Variants in LSAMP observed in about 807,000 individuals in gnomAD.
The protein encoded by LSAMP is limbic system associated membrane protein.
Under a neutral mutation model 38.6 loss-of-function variants are expected in LSAMP, and 7 were observed. The ratio of observed to expected loss-of-function variants is 0.18; its 90% CI spans 0.10 to 0.34. The LOEUF is 0.34. Ranked by LOEUF, LSAMP falls within the 10% of genes least tolerant of loss-of-function variation. The probability of loss-of-function intolerance (pLI) is 1.00; values close to 1 mark genes in which losing one functional copy is unlikely to be tolerated. For missense variants in LSAMP, 313 were observed against 420.0 expected (o/e 0.75, Z 2.23); for synonymous variants, 154 against 166.8 (o/e 0.92, Z 0.59).
chr3:116,058,766 A>T (rs982260542), intron 2 of LSAMP, among the ~76,000 whole-genome samples: 4 of 152,198 alleles, frequency 2.6e-5, no homozygotes, highest in African/African-American at 9.7e-5. Flanking sequence ...TAGGAATAGA[A>T]AAAGCACAAA....
intron 3 of LSAMP, among the ~76,000 whole-genome samples, chr3:115,877,856 T>G (rs1213789325): frequency 6.6e-6 from 1 of 152,000 alleles, no homozygotes; most frequent in African/African-American, 2.4e-5. Context: ...GTTGCAAAAA[T>G]TTTTTAAAAT....
rs115054671 is a variant in LSAMP, at chr3:116,314,617, T to C, written c.155+130260A>G. Among the ~76,000 whole-genome samples, 782 of 152,264 alleles carry C rather than the reference T, an allele frequency of 5.1e-3. 8 individuals are homozygous for C. The highest frequency in any genetic ancestry group is 0.018 in the African/African-American group (745 of 41,556). ...GAAACTGGCTATGTCAGAATATAGT[T>C]ATGGGTTTAACTGATAAAGACAGAT... On this transcript the variant is annotated intron_variant, in intron 1 of 6. Transcript: ENST00000490035.
chr3:116,272,014 G>C (rs2107671215), intron 1 of LSAMP, among the ~76,000 whole-genome samples: 1 of 152,128 alleles, frequency 6.6e-6, no homozygotes, highest in South Asian at 2.1e-4. Flanking sequence ...TTTTAGGAAA[G>C]CAAGTAGAAT....
chr3:116,243,810 CATTTTTCTT>C (rs1436291454), intron 1 of LSAMP, among the ~76,000 whole-genome samples: 6 of 152,066 alleles, frequency 3.9e-5, no homozygotes, highest in Non-Finnish European at 8.8e-5. Context: ...ACATTTGTGA[CATTTTTCTT>C]TTTTTAACTT....
intron 1 of LSAMP, among the ~76,000 whole-genome samples, chr3:116,399,328 A>C (rs974219291): frequency 6.6e-6 from 1 of 152,222 alleles, no homozygotes; most frequent in Non-Finnish European, 1.5e-5. Context: ...GGCAACACAG[A>C]GCATTGAATA....
intron 3 of LSAMP, among the ~76,000 whole-genome samples, chr3:115,980,980 A>AGCTTAGG (rs1195162804): frequency 6.6e-6 from 1 of 152,114 alleles, no homozygotes; most frequent in Non-Finnish European, 1.5e-5. Context: ...TGATAACCAG[A>AGCTTAGG]GCTTAGGGGA....
rs1259842389 is a variant in LSAMP, at chr3:116,314,810, TAAGAATGAAACATTTTTCTCTTACAAA to T, written c.155+130040_155+130066del. 7.2e-5 allele frequency among the ~76,000 whole-genome samples: 11 copies of T among 152,300 alleles called. No homozygotes were observed. The East Asian group carries it at 2.1e-3, about 29-fold the overall frequency. ...ATCCAAAAAGACCATATATAGGTTC[TAAGAATGAAACATTTTTCTCTTACAAA>T]AAGAATAAAGACCCCCACTATTCCC... On this transcript the variant is annotated intron_variant, in intron 1 of 6. Transcript: ENST00000490035.
At chr3:116,172,308 G>A (rs1370002264) in intron 1 of LSAMP, among the ~76,000 whole-genome samples, 1 of 150,962 alleles carries the variant, frequency 6.6e-6, no homozygotes, top group East Asian at 1.9e-4. Context: ...CCAGAGAATT[G>A]GTAAGAAGTA....
At chr3:116,402,540 A>G (rs2048852288) in intron 1 of LSAMP, among the ~76,000 whole-genome samples, 1 of 152,194 alleles carries the variant, frequency 6.6e-6, no homozygotes, top group Non-Finnish European at 1.5e-5. Context: ...AAATACAGAC[A>G]TAATTATAAC....
At chr3:116,323,298 T>A (rs1278477915) in intron 1 of LSAMP, among the ~76,000 whole-genome samples, 1 of 151,878 alleles carries the variant, frequency 6.6e-6, no homozygotes, top group Non-Finnish European at 1.5e-5. Context: ...TTTGCATACC[T>A]TTTTTTTCCC....
chr3:116,374,275 GTAA>G (rs1407207375), intron 1 of LSAMP, among the ~76,000 whole-genome samples: 1 of 151,842 alleles, frequency 6.6e-6, no homozygotes, highest in Non-Finnish European at 1.5e-5. Flanking sequence ...ACATTCAGTT[GTAA>G]TACAAGAAGA....
At chr3:116,375,838 A>G (rs943626326) in intron 1 of LSAMP, among the ~76,000 whole-genome samples, 1 of 152,004 alleles carries the variant, frequency 6.6e-6, no homozygotes, top group African/African-American at 2.4e-5. Flanking sequence ...ATTAAAATCC[A>G]TACATACTTT....
chr3:116,099,763 A>T (rs1054393804), intron 1 of LSAMP, among the ~76,000 whole-genome samples: 6 of 152,064 alleles, frequency 3.9e-5, no homozygotes, highest in Non-Finnish European at 7.4e-5. Flanking sequence ...ACAATTTCTC[A>T]ATTTCCATAA....
At chr3:116,441,945 A>T (rs1384140295) in intron 1 of LSAMP, among the ~76,000 whole-genome samples, 2 of 152,120 alleles carry the variant, frequency 1.3e-5, no homozygotes, top group East Asian at 3.9e-4. Flanking sequence ...TCTTTATATA[A>T]TTTCTCACAC....
At chr3:115,875,229 T>C (rs142150510) in intron 3 of LSAMP, among the ~76,000 whole-genome samples, 83 of 152,194 alleles carry the variant, frequency 5.5e-4, no homozygotes, top group Non-Finnish European at 9.6e-4. Context: ...GCGAGGCGAG[T>C]AACCTTAACC....
At chr3:116,404,603 T>G (rs2048878256) in intron 1 of LSAMP, among the ~76,000 whole-genome samples, 2 of 152,182 alleles carry the variant, frequency 1.3e-5, no homozygotes, top group Admixed American at 1.3e-4. Flanking sequence ...CCTGTCATTA[T>G]TATTACAATG....
intron 1 of LSAMP, among the ~76,000 whole-genome samples, chr3:116,328,065 T>C (rs1432903486): frequency 6.6e-6 from 1 of 152,172 alleles, no homozygotes; most frequent in Non-Finnish European, 1.5e-5. Flanking sequence ...TGGTGCTCAT[T>C]AGTTGAGCCC....
At chr3:116,028,061 T>C (rs1468892603) in intron 2 of LSAMP, among the ~76,000 whole-genome samples, 1 of 152,168 alleles carries the variant, frequency 6.6e-6, no homozygotes, top group Non-Finnish European at 1.5e-5. Flanking sequence ...TTAAGCCCTG[T>C]TTATTTGCAT....
Position 116,176,580 on chromosome 3 carries a change from A to G in LSAMP, c.156-90024T>C, listed in dbSNP as rs72961541. ...TTTGTTAGTGTCAGGAATGATGGGT[A>G]TGAAAACACAAGCTCCATTAGATAA... is the stretch of plus-strand genomic sequence containing the variant. On this transcript the variant is annotated intron_variant, in intron 1 of 6. Transcript: ENST00000490035. Among the ~76,000 whole-genome samples the G allele has an allele frequency of 3.3e-3, 502 of 152,316 alleles. 6 individuals carry two copies. Among genetic ancestry groups the G allele is most frequent in the African/African-American group, 0.011 (475 of 41,582 alleles).
Sources: allele counts gnomAD v4.1 joint callset (sites outside exome capture counted in the v4.1 genomes callset), GRCh38; gene constraint gnomAD v4.1.1; transcripts MANE v1.5; gene names NCBI Gene and HGNC (gene_info 2026-07-23, HGNC 2026-07-21).